Variants in PKIB observed in about 807,000 individuals in gnomAD.
The protein encoded by PKIB is PKI-beta.
A neutral mutation model predicts 4.5 loss-of-function variants in PKIB; 2 were observed. That is an observed-to-expected ratio of 0.44 (90% CI 0.18 to 1.39). PKIB has a LOEUF of 1.39. Among genes scored for constraint, PKIB ranks in the 40% most tolerant of loss-of-function variants. The probability of loss-of-function intolerance (pLI) is 0.27; values close to 1 mark genes in which losing one functional copy is unlikely to be tolerated. For missense variants in PKIB, 94 were observed against 92.6 expected, an observed-to-expected ratio of 1.02 and a Z score of -0.06; for synonymous variants, 38 against 36.0, an observed-to-expected ratio of 1.06 and a Z score of -0.20.
chr6:122,715,273 T>A (rs901179382), intron 3 of PKIB, among the ~76,000 whole-genome samples: 7 of 152,050 alleles, frequency 4.6e-5, no homozygotes, highest in Non-Finnish European at 7.4e-5. Context: ...TACATTTAAT[T>A]GTAAGGTTTT....
chr6:122,554,685 A>G (rs1449932791), intron 2 of PKIB, among the ~76,000 whole-genome samples: 1 of 152,208 alleles, frequency 6.6e-6, no homozygotes, highest in Non-Finnish European at 1.5e-5. Context: ...GGGTAAGTAT[A>G]TAACCTGAAC....
intron 2 of PKIB, among the ~76,000 whole-genome samples, chr6:122,664,564 A>T (rs1182391266): frequency 6.6e-6 from 1 of 152,090 alleles, no homozygotes; most frequent in Non-Finnish European, 1.5e-5. Flanking sequence ...GGTGTGTGCC[A>T]CCATGTCCAG....
chr6:122,599,347 C>T (rs891835790), intron 3 of PKIB, among the ~76,000 whole-genome samples: 1 of 152,192 alleles, frequency 6.6e-6, no homozygotes, highest in African/African-American at 2.4e-5. Context: ...CCACACATCC[C>T]CATTCCAAGT....
intron 3 of PKIB, among the ~76,000 whole-genome samples, chr6:122,677,279 A>G (rs377646801): frequency 1.4e-4 from 21 of 152,338 alleles, no homozygotes; most frequent in East Asian, 9.6e-4. Context: ...CTCCTGATTT[A>G]GCAGCAGGGC....
chr6:122,598,606 G>T (rs1251935499), intron 3 of PKIB, among the ~76,000 whole-genome samples: 1 of 152,164 alleles, frequency 6.6e-6, no homozygotes, highest in Non-Finnish European at 1.5e-5. Context: ...TTGGTGAAGG[G>T]TATATCTTCT....
chr6:122,577,780 C>T (rs1171819567), intron 2 of PKIB, among the ~76,000 whole-genome samples: 6 of 151,524 alleles, frequency 4.0e-5, no homozygotes, highest in Non-Finnish European at 8.8e-5. Flanking sequence ...GTGGTGGTGG[C>T]CGCCTGTAGT....
intron 3 of PKIB, among the ~76,000 whole-genome samples, chr6:122,689,277 A>G (rs192010882): frequency 2.0e-5 from 3 of 151,742 alleles, no homozygotes; most frequent in Admixed American, 6.6e-5. Context: ...TTCTGCTCTG[A>G]TGTTTATTTC....
intron 2 of PKIB, among the ~76,000 whole-genome samples, chr6:122,557,225 A>G (rs1772871701): frequency 6.6e-6 from 1 of 152,186 alleles, no homozygotes; most frequent in Non-Finnish European, 1.5e-5. Context: ...AAACAAAAAA[A>G]CAGGCTCAAG....
Position 122,688,843 on chromosome 6 carries a change from C to T in PKIB, c.-9+13699C>T, listed in dbSNP as rs369782659. Among the ~76,000 whole-genome samples, 45 of 150,238 alleles carry T rather than the reference C, an allele frequency of 3.0e-4. No homozygotes were observed. In the East Asian group the frequency reaches 7.1e-3, roughly 24 times the overall value. ...TCGCCCAGGCTGGAGTGCAGTGGCG[C>T]GATCTCGGCTCACTGCAAGCTCCGC... is the stretch of plus-strand genomic sequence containing the variant. On this transcript the variant is annotated intron_variant, in intron 3 of 4. Transcript: ENST00000368452.
intron 2 of PKIB, among the ~76,000 whole-genome samples, chr6:122,514,979 C>A (rs980779653): frequency 3.3e-5 from 5 of 152,150 alleles, no homozygotes; most frequent in Non-Finnish European, 7.3e-5. Flanking sequence ...GTAAATGGTA[C>A]AGTTTGGGTG....
chr6:122,596,345 G>A lies in PKIB; in HGVS notation c.-161+10338G>A, dbSNP rs147236083. Among the ~76,000 whole-genome samples, 413 of 152,300 alleles carry A rather than the reference G, an allele frequency of 2.7e-3. 1 individual carries two copies. Among genetic ancestry groups the A allele is most frequent in the African/African-American group, 9.5e-3 (395 of 41,566 alleles). ...CCATGAGGCCATCGGTGCAGGCTTG[G>A]GGAGAGAAGGCAGGGTGACAGGAGT... On this transcript the variant is annotated intron_variant, in intron 3 of 6. Transcript: ENST00000392491.
At chr6:122,514,940 ATGCTTCTG>A (rs1173060223) in intron 2 of PKIB, among the ~76,000 whole-genome samples, 5 of 152,164 alleles carry the variant, frequency 3.3e-5, no homozygotes, top group Admixed American at 2.0e-4. Flanking sequence ...CATTCATTCT[ATGCTTCTG>A]TGCCTGAGGT....
In PKIB at chr6:122,720,704, G is replaced by A. The variant is rs1779704358; in HGVS notation, c.169+2741G>A. Reference sequence around the variant, plus strand: ...GATATACATTTTTGAATATTTGAGTGTATTTTTTTTTTTTGAGACGGAGTT... The same window carrying A: ...GATATACATTTTTGAATATTTGAGTATATTTTTTTTTTTTGAGACGGAGTT... On this transcript the variant is annotated intron_variant, in intron 4 of 4. Coordinates refer to ENST00000368452, the MANE Select transcript of PKIB (RefSeq NM_181795.3). 1.6e-5 allele frequency among the ~76,000 whole-genome samples: 2 copies of A among 121,750 alleles called. 1 individual carries two copies. Among genetic ancestry groups the A allele is most frequent in the South Asian group, 7.5e-4 (2 of 2,680 alleles). 79.9% of individuals were successfully genotyped at this position (121,750 alleles called of 152,430 possible). A position where few individuals can be genotyped will look rare whatever the true frequency, so the allele number is the denominator to read the frequency against.
intron 3 of PKIB, among the ~76,000 whole-genome samples, chr6:122,587,765 C>G (rs1773895129): frequency 6.6e-6 from 1 of 152,192 alleles, no homozygotes; most frequent in Non-Finnish European, 1.5e-5. Flanking sequence ...ATTTGCATTT[C>G]TCTGATGGCC....
intron 3 of PKIB, among the ~76,000 whole-genome samples, chr6:122,603,071 C>T (rs573597470): frequency 6.3e-4 from 96 of 151,652 alleles, no homozygotes; most frequent in African/African-American, 2.2e-3. Context: ...AAAAGCTTCT[C>T]TTTTTTAAAA....
At chr6:122,698,431 T>C (rs925166690) in intron 3 of PKIB, among the ~76,000 whole-genome samples, 5 of 152,142 alleles carry the variant, frequency 3.3e-5, no homozygotes, top group Admixed American at 3.3e-4. Flanking sequence ...TTACCAGGCA[T>C]TGCAGTAGCT....
intron 2 of PKIB, among the ~76,000 whole-genome samples, chr6:122,529,113 G>A (rs1043669956): frequency 6.6e-6 from 1 of 152,010 alleles, no homozygotes; most frequent in Non-Finnish European, 1.5e-5. Flanking sequence ...ACTGTTGTTT[G>A]TATATCTTAC....
At chr6:122,700,297 TGGTGGTGGTGG>T (rs1778759736) in intron 3 of PKIB, among the ~76,000 whole-genome samples, 1 of 143,600 alleles carries the variant, frequency 7.0e-6, no homozygotes, top group Middle Eastern at 3.6e-3. Context: ...TGGACATATT[TGGTGGTGGTGG>T]GGTGGTGGTG....
chr6:122,705,005 G>T (rs1778998465), intron 3 of PKIB, among the ~76,000 whole-genome samples: 1 of 152,258 alleles, frequency 6.6e-6, no homozygotes, highest in Admixed American at 6.5e-5. Flanking sequence ...GCAGTGAGTT[G>T]TGATCATGTC....
Sources: gnomAD v4.1 joint callset for allele counts (sites outside exome capture counted in the v4.1 genomes callset) on GRCh38, gnomAD v4.1.1 for gene constraint, MANE v1.5 for transcripts, NCBI Gene and HGNC (gene_info 2026-07-23, HGNC 2026-07-21) for gene names.